XRCC4: variants seen among roughly 807,000 people sequenced by gnomAD.
XRCC4 encodes X-ray repair cross complementing 4.
Under a neutral mutation model 39.1 loss-of-function variants are expected in XRCC4, and 28 were observed. The ratio of observed to expected loss-of-function variants is 0.72; its 90% confidence interval spans 0.53 to 0.98. The LOEUF is 0.98. Among genes scored for constraint, XRCC4 ranks in the 50% least tolerant of loss-of-function variants. The pLI, the probability that XRCC4 is intolerant of heterozygous loss-of-function variation, is 0.00. For missense variants in XRCC4, 350 were observed against 376.4 expected, an observed-to-expected ratio of 0.93 and a Z score of 0.58; for synonymous variants, 123 against 126.4, an observed-to-expected ratio of 0.97 and a Z score of 0.18.
At chr5:83,338,560 G>T (rs752494942) in intron 7 of XRCC4, among the ~76,000 whole-genome samples, 1 of 152,096 alleles carries the variant, frequency 6.6e-6, no homozygotes, top group Non-Finnish European at 1.5e-5. Flanking sequence ...CCTCCACTAT[G>T]AAGTTTGGAG....
chr5:83,087,785 C>CT (rs1237103233), intron 1 of XRCC4, among the ~76,000 whole-genome samples: 7 of 151,900 alleles, frequency 4.6e-5, no homozygotes, highest in East Asian at 3.9e-4. Flanking sequence ...GTAATTTACT[C>CT]TTTTTTTGGT....
chr5:83,106,031 G>A (rs4703944), intron 2 of XRCC4, among the ~76,000 whole-genome samples: 9,792 of 152,156 alleles, frequency 0.064, 1,023 homozygotes, highest in East Asian at 0.48. Flanking sequence ...CACAGAACAG[G>A]TAATGTTGAT....
At chr5:83,187,097 C>A (rs2112670432) in intron 3 of XRCC4, among the ~76,000 whole-genome samples, 1 of 107,402 alleles carries the variant, frequency 9.3e-6, no homozygotes, top group African/African-American at 4.0e-5. Context: ...GCGCCCGCCA[C>A]CACGCCCGGC....
chr5:83,278,869 T>A (rs916571877), intron 7 of XRCC4, among the ~76,000 whole-genome samples: 8 of 150,736 alleles, frequency 5.3e-5, no homozygotes, highest in African/African-American at 2.0e-4. Flanking sequence ...GTGCCTATAA[T>A]CCCAGGTACG....
intron 3 of XRCC4, among the ~76,000 whole-genome samples, chr5:83,186,813 G>A (rs1750459934): frequency 6.6e-6 from 1 of 152,090 alleles, no homozygotes; most frequent in Non-Finnish European, 1.5e-5. Flanking sequence ...TTCAATATAG[G>A]TCTCACCTAG....
Position 83,245,617 on chromosome 5 carries a change from G to A in XRCC4, c.746-12913G>A, listed in dbSNP as rs1753071242. Among the ~76,000 whole-genome samples the A allele has an allele frequency of 2.0e-5, 3 of 152,082 alleles. No homozygotes were observed. In the South Asian group the frequency reaches 6.2e-4, roughly 32 times the overall value. Reference sequence around the variant, plus strand: ...TGAAAATTAATAGATGTTAAAATGTGCCAGTTTATTTAGATTTCCAATAAA... The same window carrying A: ...TGAAAATTAATAGATGTTAAAATGTACCAGTTTATTTAGATTTCCAATAAA... On this transcript the variant is annotated intron_variant, in intron 6 of 7. Coordinates refer to ENST00000396027, the MANE Select transcript of XRCC4 (RefSeq NM_003401.5).
At chr5:83,292,360 A>G (rs1480724171) in intron 7 of XRCC4, among the ~76,000 whole-genome samples, 8 of 151,928 alleles carry the variant, frequency 5.3e-5, no homozygotes, top group African/African-American at 1.9e-4. Flanking sequence ...TATAATTATT[A>G]TAGTTTCTGC....
rs145620291 is a variant in XRCC4 at position 83,291,375 on chromosome 5, T to C, written c.893+32698T>C. Among the ~76,000 whole-genome samples, 887 of 151,890 alleles carry C rather than the reference T, an allele frequency of 5.8e-3. 3 individuals carry two copies. The highest frequency in any genetic ancestry group is 0.019 in the African/African-American group (786 of 41,418). ...TCTATGTCACAATCCACACTGAGATTATTATCTTTAAAAAATTGGTCATTT... is the reference window on the plus strand; with the variant it reads ...TCTATGTCACAATCCACACTGAGATCATTATCTTTAAAAAATTGGTCATTT... On this transcript the variant is annotated intron_variant, in intron 7 of 7. Coordinates refer to ENST00000396027, the MANE Select transcript of XRCC4 (RefSeq NM_003401.5).
chr5:83,130,973 A>G (rs1747545502), intron 3 of XRCC4, among the ~76,000 whole-genome samples: 1 of 151,794 alleles, frequency 6.6e-6, no homozygotes, highest in Non-Finnish European at 1.5e-5. Flanking sequence ...ATCTCCTTCA[A>G]TTCTGCTCTG....
chr5:83,259,055 A>AT (rs143296002), intron 7 of XRCC4: 2,451 of 181,222 alleles, frequency 0.014, 61 homozygotes, highest in African/African-American at 0.055. Flanking sequence ...TATGCTTGGC[A>AT]TTTTTTTTCA....
intron 3 of XRCC4, among the ~76,000 whole-genome samples, chr5:83,179,254 A>G (rs948190313): frequency 2.0e-5 from 3 of 152,214 alleles, no homozygotes; most frequent in Non-Finnish European, 4.4e-5. Flanking sequence ...AGATGTGAAA[A>G]ATGAGTGGGA....
intron 7 of XRCC4, among the ~76,000 whole-genome samples, chr5:83,323,378 C>T (rs2112139634): frequency 6.6e-6 from 1 of 152,022 alleles, no homozygotes; most frequent in African/African-American, 2.4e-5. Context: ...ATGAATATTA[C>T]AGCATTACAA....
intron 7 of XRCC4, among the ~76,000 whole-genome samples, chr5:83,271,425 T>C (rs1754142132): frequency 6.6e-6 from 1 of 152,230 alleles, no homozygotes; most frequent in South Asian, 2.1e-4. Flanking sequence ...TTATTTTGTC[T>C]ACTTGTTCCA....
intron 1 of XRCC4, among the ~76,000 whole-genome samples, chr5:83,089,673 C>G (rs10462397): frequency 1.3e-5 from 2 of 151,832 alleles, no homozygotes; most frequent in Non-Finnish European, 2.9e-5. Flanking sequence ...TTATGCCTCA[C>G]GAATAATTTT....
downstream of XRCC4, among the ~76,000 whole-genome samples, chr5:83,356,364 G>A (rs916373085): frequency 2.0e-5 from 3 of 152,200 alleles, no homozygotes; most frequent in East Asian, 5.8e-4. Context: ...TAGTGAAAGA[G>A]AAGAAATTTT....
chr5:83,294,485 C>T (rs747167394), intron 7 of XRCC4, among the ~76,000 whole-genome samples: 12 of 151,990 alleles, frequency 7.9e-5, no homozygotes, highest in Non-Finnish European at 1.3e-4. Context: ...AGTTAAACTT[C>T]GGTGAACTGG....
At chr5:83,221,431 C>G (rs2112788684) in intron 6 of XRCC4, among the ~76,000 whole-genome samples, 1 of 152,204 alleles carries the variant, frequency 6.6e-6, no homozygotes, top group South Asian at 2.1e-4. Context: ...GATTACAGAG[C>G]TCATCTGTGA....
At chr5:83,354,977 A>G (rs1249212833), downstream of XRCC4, among the ~76,000 whole-genome samples, 1 of 152,124 alleles carries the variant, frequency 6.6e-6, no homozygotes, top group Non-Finnish European at 1.5e-5. Context: ...AAACCTACCA[A>G]TAATGAACCA....
chr5:83,079,718 A>G (rs1744848689), intron 1 of XRCC4, among the ~76,000 whole-genome samples: 1 of 151,922 alleles, frequency 6.6e-6, no homozygotes, highest in African/African-American at 2.4e-5. Flanking sequence ...TATTTTTTGT[A>G]GAGACAGGGC....
Sources: allele counts gnomAD v4.1 joint callset (sites outside exome capture counted in the v4.1 genomes callset), GRCh38; gene constraint gnomAD v4.1.1; transcripts MANE v1.5; gene names NCBI Gene and HGNC (gene_info 2026-07-23, HGNC 2026-07-21).